DCHS2: variants seen among roughly 807,000 people sequenced by gnomAD.
DCHS2 encodes the protein protocadherin-23.
In DCHS2, 142 loss-of-function variants were observed where a neutral mutation model predicts 182.4. The ratio of observed to expected loss-of-function variants is 0.78; its 90% CI spans 0.68 to 0.89. DCHS2 has a LOEUF of 0.89. DCHS2 is among the 40% of genes least tolerant of loss of function. DCHS2 has a pLI of 0.00. For synonymous variants in DCHS2, 1,740 were observed against 1,663.3 expected, an observed-to-expected ratio of 1.05 and a Z score of -1.12; for missense variants, 4,319 against 4,198.6, an observed-to-expected ratio of 1.03 and a Z score of -0.79.
chr4:154,419,650 C>CAAAAAAA (rs70947164), intron 1 of DCHS2, among the ~76,000 whole-genome samples: 23 of 44,888 alleles, frequency 5.1e-4, no homozygotes, highest in African/African-American at 5.9e-4. Flanking sequence ...AACTCCATCT[C>CAAAAAAA]AAAAAAAAAA....
chr4:154,431,984 G>C (rs1733578409), intron 1 of DCHS2, among the ~76,000 whole-genome samples: 1 of 152,114 alleles, frequency 6.6e-6, no homozygotes, highest in Admixed American at 6.5e-5. Flanking sequence ...ATATTTACCT[G>C]CCATTGTTAT....
intron 1 of DCHS2, among the ~76,000 whole-genome samples, chr4:154,458,527 A>C (rs1287767165): frequency 2.0e-5 from 3 of 151,790 alleles, no homozygotes; most frequent in African/African-American, 7.3e-5. Flanking sequence ...TAAAAAGGGA[A>C]TGATTGTCTG....
intron 13 of DCHS2, 58 bp from the exon 14 acceptor site, chr4:154,270,071 CAAGAG>C (rs1733512870): frequency 6.5e-7 from 1 of 1,537,452 alleles, no homozygotes; most frequent in African/African-American, 1.4e-5. Flanking sequence ...CATGGAAACA[CAAGAG>C]AAAATACTGA....
chr4:154,311,767 C>T (rs1032819809), intron 10 of DCHS2, among the ~76,000 whole-genome samples: 3 of 151,906 alleles, frequency 2.0e-5, no homozygotes, highest in Admixed American at 6.6e-5. Context: ...ACTCTAAGAA[C>T]CTGGAATAAA....
At chr4:154,456,536 G>A (rs537264762) in intron 1 of DCHS2, among the ~76,000 whole-genome samples, 3 of 152,270 alleles carry the variant, frequency 2.0e-5, no homozygotes, top group Admixed American at 6.5e-5. Context: ...CTCTGAGAAC[G>A]GTTCTCGGAA....
rs1190174705 is a variant in DCHS2, at chr4:154,236,567, C to A, written c.8085G>T (p.Gly2695=). 1 of 1,613,990 alleles carries A rather than the reference C, an allele frequency of 6.2e-7. No individual in the cohort carries two copies. The highest frequency in any genetic ancestry group is 1.7e-5 in the Admixed American group (1 of 60,012). ...TGTTGTAGATGATTTCTGCATGTGACCCTGTGTCACGGTCATTTGCTGAGA... is the reference window on the plus strand; with the variant it reads ...TGTTGTAGATGATTTCTGCATGTGAACCTGTGTCACGGTCATTTGCTGAGA... ...TVVSANDRDT[G]SHAEIIYNII... is the part of the protein sequence containing the mutation. Residue 2695 remains glycine, a synonymous_variant, in exon 20 of 20, where the codon GGG becomes GGT. Coordinates refer to ENST00000357232, the MANE Select transcript of DCHS2 (RefSeq NM_001358235.2).
Position 154,449,381 on chromosome 4 carries a change from C to CT in DCHS2, c.2052+39922dup, listed in dbSNP as rs869264293. 9.0e-4 allele frequency among the ~76,000 whole-genome samples: 131 copies of CT among 144,890 alleles called. 1 individual carries two copies. In the East Asian group the frequency reaches 9.6e-3, roughly 11 times the overall value. Reference sequence around the variant, plus strand: ...TGAGTAAATAAGTTTTTTAATTAATCTTTTTTTTTTTTAGACAGTGTTCCT... The same window carrying CT: ...TGAGTAAATAAGTTTTTTAATTAATCTTTTTTTTTTTTTAGACAGTGTTCCT... On this transcript the variant is annotated intron_variant, in intron 1 of 19. Transcript: ENST00000357232.
At chr4:154,363,290 T>C (rs776291959) in intron 3 of DCHS2, among the ~76,000 whole-genome samples, 2 of 152,144 alleles carry the variant, frequency 1.3e-5, no homozygotes, top group Non-Finnish European at 2.9e-5. Context: ...TTATTCACAA[T>C]AGCCAAGATA....
chr4:154,477,541 C>G (rs1384048157), intron 1 of DCHS2, among the ~76,000 whole-genome samples: 1 of 152,130 alleles, frequency 6.6e-6, no homozygotes, highest in Non-Finnish European at 1.5e-5. Flanking sequence ...CTTGATCTTA[C>G]AAGCAGTGCA....
At chr4:154,371,452 A>G (rs540785669) in intron 2 of DCHS2, among the ~76,000 whole-genome samples, 6 of 152,194 alleles carry the variant, frequency 3.9e-5, no homozygotes, top group African/African-American at 1.2e-4. Context: ...TAAAGAAACA[A>G]TCAGAGACCA....
At chr4:154,458,378 A>C (rs2110991652) in intron 1 of DCHS2, among the ~76,000 whole-genome samples, 1 of 152,346 alleles carries the variant, frequency 6.6e-6, no homozygotes, top group African/African-American at 2.4e-5. Flanking sequence ...CCTAAGGACA[A>C]ACTGGAAAAC....
intron 3 of DCHS2, among the ~76,000 whole-genome samples, chr4:154,345,971 T>C (rs1729341188): frequency 6.6e-6 from 1 of 152,184 alleles, no homozygotes; most frequent in Admixed American, 6.5e-5. Context: ...GCCAGCAGAA[T>C]CAGTGTCTGG....
intron 1 of DCHS2, among the ~76,000 whole-genome samples, chr4:154,413,026 C>G (rs1732694125): frequency 6.6e-6 from 1 of 152,150 alleles, no homozygotes; most frequent in Admixed American, 6.6e-5. Context: ...CCAGCATTGA[C>G]AGACATAATC....
chr4:154,235,535 G>A lies in DCHS2; in HGVS notation c.9117C>T (p.Asp3039=). Residue 3039 remains aspartate (D), a synonymous_variant, in exon 20 of 20, where the codon GAC becomes GAT. Coordinates refer to ENST00000357232, the MANE Select transcript of DCHS2 (RefSeq NM_001358235.2). ...CACTGGCATCCCGGGTCACTCTCAAGTCCGCATCTAAAGATGAGGTTTTCT... is the reference window on the plus strand; with the variant it reads ...CACTGGCATCCCGGGTCACTCTCAAATCCGCATCTAAAGATGAGGTTTTCT... ...EEKKTSSLDA[D]LRVTRDASVL... is the part of the protein sequence containing the mutation. 2 of 1,614,052 alleles carry A rather than the reference G, an allele frequency of 1.2e-6. No homozygotes were observed. The highest frequency in any genetic ancestry group is 1.7e-6 in the Non-Finnish European group (2 of 1,179,966).
chr4:154,433,446 G>A (rs1733647444), intron 1 of DCHS2, among the ~76,000 whole-genome samples: 1 of 140,032 alleles, frequency 7.1e-6, no homozygotes, highest in South Asian at 2.3e-4. Context: ...CTAGGCTGGA[G>A]TGCAGTGGCG....
rs1420194589 is a variant in DCHS2, at chr4:154,235,072, CT to C, written c.9579del (p.Glu3194ArgfsTer20). 1 of 1,613,836 alleles carries C rather than the reference CT, an allele frequency of 6.2e-7. No individual in the cohort carries two copies. Among genetic ancestry groups the C allele is most frequent in the African/African-American group, 1.3e-5 (1 of 74,916 alleles). ...TTTCTAACGTCAGCCAGGATGCTCT[CT>C]TTTGCCTCTCTCTTCTGAACTGTCT... Reference protein sequence around the residue: ...LPQTVQKREAKESILADVRKE... With the variant: ...LPQTVQKREAXESILADVRKE... On this transcript the variant is annotated frameshift_variant, in exon 20 of 20. Transcript: ENST00000357232. LOFTEE classifies it low-confidence loss of function (END_TRUNC).
chr4:154,271,388 C>A (rs1004401182), intron 13 of DCHS2, among the ~76,000 whole-genome samples: 2 of 152,084 alleles, frequency 1.3e-5, no homozygotes, highest in African/African-American at 4.8e-5. Flanking sequence ...CAATGCATAA[C>A]CAAGGGAGTG....
chr4:154,349,348 T>G (rs1219261801), intron 3 of DCHS2, among the ~76,000 whole-genome samples: 1 of 152,212 alleles, frequency 6.6e-6, no homozygotes, highest in African/African-American at 2.4e-5. Context: ...TCCTGATTTC[T>G]TGGAAGGTCA....
At chr4:154,380,713 T>C (rs1051268518) in intron 1 of DCHS2, among the ~76,000 whole-genome samples, 2 of 152,144 alleles carry the variant, frequency 1.3e-5, no homozygotes, top group South Asian at 2.1e-4. Flanking sequence ...GCAATTCATA[T>C]TCTGAGTTTC....
Sources: allele counts gnomAD v4.1 joint callset (sites outside exome capture counted in the v4.1 genomes callset), GRCh38; gene constraint gnomAD v4.1.1; transcripts MANE v1.5; gene names NCBI Gene and HGNC (gene_info 2026-07-23, HGNC 2026-07-21).